Variants in ZC3H6 observed in about 807,000 individuals in gnomAD.
The protein encoded by ZC3H6 is zinc finger CCCH-type containing 6, also known as zinc finger CCCH domain-containing protein 6.
Under a neutral mutation model 107.7 loss-of-function variants are expected in ZC3H6, and 40 were observed. The observed-to-expected ratio is 0.37, with a 90% CI of 0.29 to 0.48. ZC3H6 has a LOEUF of 0.48. Ranked by LOEUF, ZC3H6 falls within the 20% of genes least tolerant of loss-of-function variation. The pLI is 0.98. For missense variants in ZC3H6, 1,267 were observed against 1,410.4 expected (o/e 0.90, Z 1.63); for synonymous variants, 493 against 487.9 (o/e 1.01, Z -0.14).
chr2:112,331,064 A>C lies in ZC3H6; in HGVS notation c.2146A>C (p.Ile716Leu). 1 of 1,588,216 alleles carries C rather than the reference A, an allele frequency of 6.3e-7. No individual in the cohort carries two copies. The highest frequency in any genetic ancestry group is 2.3e-5 in the East Asian group (1 of 43,942). ...EEEEGSSVKSILKTLQKQTET... is the reference protein window; with the variant it reads ...EEEEGSSVKSLLKTLQKQTET... Reference sequence around the variant, plus strand: ...GGAAGAAGGAAGCAGTGTCAAATCAATACTGAAAACATTACAGAAACAAAC... The same window carrying C: ...GGAAGAAGGAAGCAGTGTCAAATCACTACTGAAAACATTACAGAAACAAAC... Residue 716 changes from isoleucine to leucine, a missense_variant, in exon 12 of 12, where the codon ATA becomes CTA. Ile to Leu is a conservative substitution (Grantham distance 5). Coordinates refer to ENST00000409871, the MANE Select transcript of ZC3H6 (RefSeq NM_198581.3).
intron 7 of ZC3H6, among the ~76,000 whole-genome samples, chr2:112,320,025 CG>C (rs1553495053): frequency 6.6e-6 from 1 of 152,098 alleles, no homozygotes; most frequent in Non-Finnish European, 1.5e-5. Flanking sequence ...CTCTGCCTCC[CG>C]GGTTCAAGCA....
In ZC3H6 at chr2:112,332,543, T is replaced by G. The variant is rs935714814; in HGVS notation, c.*55T>G. The G allele has an allele frequency of 5.3e-5, 80 of 1,513,708 alleles. No individual in the cohort carries two copies. The highest frequency in any genetic ancestry group is 1.7e-4 in the African/African-American group (12 of 71,692). The allele number at this position is 1,513,708 out of a possible 1,614,324, so 93.8% of individuals were successfully genotyped here. A position where few individuals can be genotyped will look rare whatever the true frequency, so the allele number is the denominator to read the frequency against. On this transcript the variant is annotated 3_prime_UTR_variant, in exon 12 of 12. Coordinates refer to ENST00000409871, the MANE Select transcript of ZC3H6 (RefSeq NM_198581.3). ...TCTTGTGACTATCTCAGTCCTCTGC[T>G]GTTTTGTAACTGGTTTACCTCTATA...
At chr2:112,276,118 C>T in intron 1 of ZC3H6, 92 bp downstream of exon 1, 3 of 1,153,396 alleles carry the variant, frequency 2.6e-6, no homozygotes. Flanking sequence ...TCCTGCATGA[C>T]CTAGACGTCT....
rs1363941045 is a variant in ZC3H6, at chr2:112,337,789, T to C, written c.*5301T>C. On this transcript the variant is annotated 3_prime_UTR_variant, in exon 12 of 12. Coordinates refer to ENST00000409871, the MANE Select transcript of ZC3H6 (RefSeq NM_198581.3). ...TGTGTGCCACCACACCCAGCTAATT[T>C]TTGTATTTTTTTGGTAGAGACAGGG... 6.6e-6 allele frequency: 1 copy of C among 151,988 alleles called. No individual in the cohort carries two copies. Among genetic ancestry groups the C allele is most frequent in the East Asian group, 1.9e-4 (1 of 5,190 alleles). 9.4% of individuals were successfully genotyped at this position (151,988 alleles called of 1,614,324 possible). A position where few individuals can be genotyped will look rare whatever the true frequency, so the allele number is the denominator to read the frequency against.
intron 1 of ZC3H6, among the ~76,000 whole-genome samples, chr2:112,295,875 A>G (rs1230351055): frequency 1.3e-5 from 2 of 152,146 alleles, no homozygotes; most frequent in Non-Finnish European, 2.9e-5. Flanking sequence ...CATTTTTAGC[A>G]TGTTTACTTT....
In ZC3H6 at chr2:112,336,642, A is replaced by G. The variant is rs1313784152; in HGVS notation, c.*4154A>G. 2 of 152,096 alleles carry G rather than the reference A, an allele frequency of 1.3e-5. No homozygotes were observed. The highest frequency in any genetic ancestry group is 1.5e-5 in the Non-Finnish European group (1 of 68,014). The allele number at this position is 152,096 out of a possible 1,614,324, so 9.4% of individuals were successfully genotyped here. A position where few individuals can be genotyped will look rare whatever the true frequency, so the allele number is the denominator to read the frequency against. ...TGGTTTGCAGAAAGTTTTGGCAGCT[A>G]CCAGTCACTATATTGCTGGAGTTTT... On this transcript the variant is annotated 3_prime_UTR_variant, in exon 12 of 12. Transcript: ENST00000409871.
At position 112,287,063 on chromosome 2, in the gene ZC3H6, C is replaced by A. The variant is rs1181496206; in HGVS notation, c.32+11037C>A. ...GTTTCACTCTGGTTCATTGTAGATT[C>A]ATCCAGTAAGCATTTCTAGAGAACT... On this transcript the variant is annotated intron_variant, in intron 1 of 11. Coordinates refer to ENST00000409871, the MANE Select transcript of ZC3H6 (RefSeq NM_198581.3). Among the ~76,000 whole-genome samples the A allele has an allele frequency of 4.6e-5, 7 of 152,068 alleles. No individual in the cohort carries two copies. In the South Asian group the frequency reaches 1.5e-3, roughly 32 times the overall value.
rs1347440852 is a variant in ZC3H6 at position 112,334,436 on chromosome 2, CAT to C, written c.*1949_*1950del. The C allele has an allele frequency of 6.6e-6, 1 of 152,064 alleles. No individual in the cohort carries two copies. Among genetic ancestry groups the C allele is most frequent in the African/African-American group, 2.4e-5 (1 of 41,426 alleles). 9.4% of individuals were successfully genotyped at this position (152,064 alleles called of 1,614,324 possible). A position where few individuals can be genotyped will look rare whatever the true frequency, so the allele number is the denominator to read the frequency against. ...AAAAAAGATAATTTGGCTTGCTAAACATCAAAATAGAATCCAAACTCTTAACC... is the reference window on the plus strand; with the variant it reads ...AAAAAAGATAATTTGGCTTGCTAAACCAAAATAGAATCCAAACTCTTAACC... On this transcript the variant is annotated 3_prime_UTR_variant, in exon 12 of 12. Coordinates refer to ENST00000409871, the MANE Select transcript of ZC3H6 (RefSeq NM_198581.3).
At chr2:112,312,010 TTG>T (rs2104713854) in intron 5 of ZC3H6, 73 bp downstream of exon 5, 1 of 1,439,500 alleles carries the variant, frequency 6.9e-7, no homozygotes, top group East Asian at 2.4e-5. Flanking sequence ...AAAGAAAGCA[TTG>T]TGATTTTAAT....
intron 11 of ZC3H6, among the ~76,000 whole-genome samples, chr2:112,329,359 AAGGAT>A (rs1676976398): frequency 1.3e-5 from 2 of 152,238 alleles, no homozygotes; most frequent in Non-Finnish European, 2.9e-5. Context: ...AAAAGAAAGT[AAGGAT>A]AGAAGTAACA....
intron 1 of ZC3H6, among the ~76,000 whole-genome samples, chr2:112,289,577 G>A (rs1477825664): frequency 5.6e-5 from 4 of 70,968 alleles, no homozygotes; most frequent in South Asian, 5.6e-4. Context: ...CGCCTGCCTC[G>A]GCCTCCCAAA....
rs796555358 is a variant in ZC3H6 at position 112,288,999 on chromosome 2, C to T, written c.33-10850C>T. On this transcript the variant is annotated intron_variant, in intron 1 of 11. Coordinates refer to ENST00000409871, the MANE Select transcript of ZC3H6 (RefSeq NM_198581.3). ...TTCCTCTTCTCACTGCCCACCCCCCCGCCACCACCACCCTACTGACTTTGA... is the reference window on the plus strand; with the variant it reads ...TTCCTCTTCTCACTGCCCACCCCCCTGCCACCACCACCCTACTGACTTTGA... Among the ~76,000 whole-genome samples, 20 of 144,028 alleles carry T rather than the reference C, an allele frequency of 1.4e-4. 1 individual carries two copies. Among genetic ancestry groups the T allele is most frequent in the African/African-American group, 4.8e-4 (19 of 39,684 alleles). 94.5% of individuals were successfully genotyped at this position (144,028 alleles called of 152,430 possible). A position where few individuals can be genotyped will look rare whatever the true frequency, so the allele number is the denominator to read the frequency against.
At chr2:112,299,710 C>A (rs1400903546) in intron 1 of ZC3H6, 139 bp from the exon 2 acceptor site, 2 of 507,752 alleles carry the variant, frequency 3.9e-6, no homozygotes, top group Non-Finnish European at 3.2e-6. Context: ...ACTATCTGGG[C>A]CTTTATAGAA....
chr2:112,291,800 C>T (rs1374996593), intron 1 of ZC3H6, among the ~76,000 whole-genome samples: 6 of 152,188 alleles, frequency 3.9e-5, no homozygotes, highest in African/African-American at 1.4e-4. Context: ...CTCACTGCAA[C>T]CTCCGCCTCC....
chr2:112,330,087 C>T (rs1235093625), intron 11 of ZC3H6, among the ~76,000 whole-genome samples: 1 of 148,992 alleles, frequency 6.7e-6, no homozygotes, highest in Non-Finnish European at 1.5e-5. Flanking sequence ...GAGTCTTGCT[C>T]TGTCGCCCAG....
In ZC3H6 at chr2:112,331,939, G is replaced by A. The variant is rs774593055; in HGVS notation, c.3021G>A (p.Gln1007=). The A allele has an allele frequency of 1.9e-6, 3 of 1,613,856 alleles. No individual in the cohort carries two copies. In the East Asian group the frequency reaches 6.7e-5, roughly 36 times the overall value. ...CCAGATCAAACCCTGGTTCATCACAGCCCTCAGGGGCAGGAACTAGCAATT... is the reference window on the plus strand; with the variant it reads ...CCAGATCAAACCCTGGTTCATCACAACCCTCAGGGGCAGGAACTAGCAATT... ...HLPRSNPGSS[Q]PSGAGTSNSG... is the part of the protein sequence containing the mutation. The change falls in exon 12 of 12, where the codon CAG becomes CAA. Residue 1007 remains glutamine, a synonymous_variant. Transcript: ENST00000409871.
At chr2:112,307,264 A>AC (rs1676493289) in intron 3 of ZC3H6, among the ~76,000 whole-genome samples, 2 of 151,990 alleles carry the variant, frequency 1.3e-5, no homozygotes, top group African/African-American at 4.8e-5. Context: ...TATACTGTTA[A>AC]CCCCCCAGCA....
rs1676857005 is a variant in ZC3H6 at position 112,324,156 on chromosome 2, C to G, written c.1345C>G (p.Pro449Ala). 1 of 1,570,452 alleles carries G rather than the reference C, an allele frequency of 6.4e-7. No individual in the cohort carries two copies. Among genetic ancestry groups the G allele is most frequent in the Non-Finnish European group, 8.7e-7 (1 of 1,152,862 alleles). The change falls in exon 10 of 12, where the codon CCA becomes GCA. Residue 449 changes from proline (P) to alanine (A), a missense_variant. By Grantham distance (27) the Pro-to-Ala change is conservative. Coordinates refer to ENST00000409871, the MANE Select transcript of ZC3H6 (RefSeq NM_198581.3). ...TATTATTATTTCTGTCTACAGGCCA[C>G]CAGCATTTTATACCAGTGCCTCACC... is the stretch of plus-strand genomic sequence containing the variant. The part of the protein sequence containing the change: ...DLAHKIGRKP[P>A]AFYTSASPPG...
chr2:112,319,416 C>T (rs1278966426), intron 7 of ZC3H6, among the ~76,000 whole-genome samples: 9 of 152,170 alleles, frequency 5.9e-5, no homozygotes, highest in East Asian at 1.9e-4. Flanking sequence ...GAGGCCAAGG[C>T]GGGTGGATCA....
Sources: gnomAD v4.1 joint callset for allele counts (sites outside exome capture counted in the v4.1 genomes callset) on GRCh38, gnomAD v4.1.1 for gene constraint, MANE v1.5 for transcripts, NCBI Gene and HGNC (gene_info 2026-07-23, HGNC 2026-07-21) for gene names.